The following RGS7 variants were observed in gnomAD, a reference collection of about 807,000 sequenced individuals.
RGS7 encodes regulator of G protein signaling 7, also known as regulator of G-protein signaling 7.
RGS7 carries 27 observed loss-of-function variants against 81.1 expected under a neutral mutation model. That is an observed-to-expected ratio of 0.33 (90% CI 0.25 to 0.46). RGS7 has a LOEUF of 0.46. Among genes scored for constraint, RGS7 ranks in the 20% least tolerant of loss-of-function variants. The pLI is 1.00. For missense variants in RGS7, 396 were observed against 607.4 expected (o/e 0.65, Z 3.66); for synonymous variants, 208 against 207.7 (o/e 1.00, Z -0.01).
intron 2 of RGS7, among the ~76,000 whole-genome samples, chr1:241,106,289 A>T (rs1216037149): frequency 6.6e-6 from 1 of 152,232 alleles, no homozygotes; most frequent in Non-Finnish European, 1.5e-5. Context: ...ATCTTAACTC[A>T]GAATTAATTA....
rs78250143 is a variant in RGS7, at chr1:241,007,619, A to G, written c.176-24490T>C. Among the ~76,000 whole-genome samples the G allele has an allele frequency of 5.9e-3, 898 of 152,326 alleles. 10 individuals carry two copies. Among genetic ancestry groups the G allele is most frequent in the African/African-American group, 0.02 (835 of 41,578 alleles). ...AAAGAAAGAATTTGACTAGAAAGTG[A>G]AATCAGTTTAAAAGCGTGGTATGAG... On this transcript the variant is annotated intron_variant, in intron 3 of 18. Coordinates refer to ENST00000440928, the MANE Select transcript of RGS7 (RefSeq NM_001364886.1).
At chr1:241,298,943 C>A (rs1250599230) in intron 2 of RGS7, among the ~76,000 whole-genome samples, 2 of 152,046 alleles carry the variant, frequency 1.3e-5, no homozygotes, top group Non-Finnish European at 2.9e-5. Flanking sequence ...ACAAATGTAA[C>A]AAGGTCAATT....
At chr1:240,996,672 T>C (rs999532852) in intron 3 of RGS7, among the ~76,000 whole-genome samples, 2 of 152,198 alleles carry the variant, frequency 1.3e-5, no homozygotes, top group African/African-American at 4.8e-5. Context: ...TTCTTTTACT[T>C]ACAACCTGAC....
intron 4 of RGS7, among the ~76,000 whole-genome samples, chr1:240,962,630 G>A (rs1208857710): frequency 6.6e-6 from 1 of 152,142 alleles, no homozygotes; most frequent in African/African-American, 2.4e-5. Flanking sequence ...GGGAAAAAAT[G>A]CAGTGTGTTC....
At chr1:241,120,716 T>C (rs2066193089) in intron 2 of RGS7, among the ~76,000 whole-genome samples, 1 of 151,884 alleles carries the variant, frequency 6.6e-6, no homozygotes, top group Non-Finnish European at 1.5e-5. Flanking sequence ...CACATATGTG[T>C]CCAAAATGAT....
intron 6 of RGS7, among the ~76,000 whole-genome samples, chr1:240,906,448 G>A (rs776581444): frequency 2.0e-5 from 3 of 152,196 alleles, no homozygotes; most frequent in Non-Finnish European, 2.9e-5. Flanking sequence ...AGTCACTTGG[G>A]CAGAGGGATT....
chr1:241,308,868 A>C (rs564684449), intron 2 of RGS7, among the ~76,000 whole-genome samples: 84 of 152,302 alleles, frequency 5.5e-4, no homozygotes, highest in African/African-American at 2.0e-3. Context: ...TGAATTTTTT[A>C]AAAAATTGCA....
intron 4 of RGS7, among the ~76,000 whole-genome samples, chr1:240,982,498 T>C (rs975710272): frequency 6.6e-6 from 1 of 151,168 alleles, no homozygotes; most frequent in Non-Finnish European, 1.5e-5. Flanking sequence ...CAATGCAAAG[T>C]GTGAACTCAT....
intron 2 of RGS7, among the ~76,000 whole-genome samples, chr1:241,251,271 G>A (rs1158250586): frequency 1.3e-5 from 2 of 152,022 alleles, no homozygotes; most frequent in East Asian, 3.9e-4. Context: ...TAACTTTGAA[G>A]CCCGGGCTTC....
chr1:240,872,641 T>A (rs1664691459), intron 6 of RGS7, among the ~76,000 whole-genome samples: 1 of 152,156 alleles, frequency 6.6e-6, no homozygotes, highest in South Asian at 2.1e-4. Context: ...GATAATACTT[T>A]TTATTCTTTA....
intron 18 of RGS7, among the ~76,000 whole-genome samples, chr1:240,793,010 C>T (rs1461998391): frequency 1.3e-5 from 2 of 152,098 alleles, no homozygotes; most frequent in African/African-American, 4.8e-5. Context: ...AGCCTCATAG[C>T]TACTGGCATA....
intron 2 of RGS7, among the ~76,000 whole-genome samples, chr1:241,188,736 T>C (rs2072348469): frequency 6.6e-6 from 1 of 152,168 alleles, no homozygotes; most frequent in African/African-American, 2.4e-5. Context: ...TCTCTGACAT[T>C]ATTGTGTGAC....
intron 3 of RGS7, among the ~76,000 whole-genome samples, chr1:241,013,242 T>G (rs1365696649): frequency 6.6e-6 from 1 of 151,964 alleles, no homozygotes; most frequent in Non-Finnish European, 1.5e-5. Context: ...TTTGTATTTT[T>G]TCTAGAGATG....
At chr1:241,228,238 C>T (rs1352276383) in intron 2 of RGS7, among the ~76,000 whole-genome samples, 1 of 152,186 alleles carries the variant, frequency 6.6e-6, no homozygotes, top group Non-Finnish European at 1.5e-5. Context: ...AATGCCAAAA[C>T]ACGTGAATGA....
At chr1:240,933,242 T>C (rs1375504671) in intron 5 of RGS7, among the ~76,000 whole-genome samples, 1 of 150,180 alleles carries the variant, frequency 6.7e-6, no homozygotes, top group African/African-American at 2.5e-5. Flanking sequence ...AGTTTCTATA[T>C]TTTGGGGAGT....
chr1:241,137,349 T>C (rs2067595514), intron 2 of RGS7, among the ~76,000 whole-genome samples: 1 of 152,208 alleles, frequency 6.6e-6, no homozygotes. Flanking sequence ...TAATTATGAA[T>C]TATAACCAAA....
intron 9 of RGS7, among the ~76,000 whole-genome samples, chr1:240,857,152 A>C (rs1189071314): frequency 6.6e-6 from 1 of 152,194 alleles, no homozygotes; most frequent in Non-Finnish European, 1.5e-5. Flanking sequence ...TGTTGAGTTC[A>C]TTATACTCTC....
Position 241,180,328 on chromosome 1 carries a change from T to C in RGS7, c.79-81566A>G, listed in dbSNP as rs911005751. ...AGGCGGAGATTGCAGTGAGCTGAGA[T>C]GGCGCCACTGCACTCCAGCCTGGGC... On this transcript the variant is annotated intron_variant, in intron 2 of 18. Transcript: ENST00000440928. Among the ~76,000 whole-genome samples, 5 of 152,014 alleles carry C rather than the reference T, an allele frequency of 3.3e-5. No individual in the cohort carries two copies. In the South Asian group the frequency reaches 8.3e-4, roughly 25 times the overall value.
intron 2 of RGS7, among the ~76,000 whole-genome samples, chr1:241,227,123 A>G (rs935181681): frequency 2.0e-5 from 3 of 152,186 alleles, no homozygotes; most frequent in Non-Finnish European, 4.4e-5. Context: ...TCAAGAGGGG[A>G]AAAGGAGGAA....
Sources: allele counts gnomAD v4.1 joint callset (sites outside exome capture counted in the v4.1 genomes callset), GRCh38; gene constraint gnomAD v4.1.1; transcripts MANE v1.5; gene names NCBI Gene and HGNC (gene_info 2026-07-23, HGNC 2026-07-21).